Variants in MTF2 observed in about 807,000 individuals in gnomAD.
MTF2 encodes metal response element binding transcription factor 2.
A neutral mutation model predicts 79.5 loss-of-function variants in MTF2; 11 were observed. That is an observed-to-expected ratio of 0.14 (90% CI 0.09 to 0.23). The LOEUF (loss-of-function observed/expected upper bound fraction) is 0.23, where lower values mean the gene tolerates loss of function less well. Ranked by LOEUF, MTF2 falls within the 10% of genes least tolerant of loss-of-function variation. The pLI is 1.00. For missense variants in MTF2, 486 were observed against 711.2 expected, an observed-to-expected ratio of 0.68 and a Z score of 3.60; for synonymous variants, 208 against 232.8, an observed-to-expected ratio of 0.89 and a Z score of 0.97.
chr1:93,082,273 CTTT>C (rs11380988), intron 1 of MTF2, among the ~76,000 whole-genome samples: 2 of 139,242 alleles, frequency 1.4e-5, no homozygotes, highest in Non-Finnish European at 1.6e-5. Flanking sequence ...TGTAACCATT[CTTT>C]TTTTTTTTTT....
chr1:93,108,337 CGTA>C (rs2101053952), intron 1 of MTF2, among the ~76,000 whole-genome samples: 1 of 152,152 alleles, frequency 6.6e-6, no homozygotes, highest in East Asian at 1.9e-4. Flanking sequence ...TACTTTCAAT[CGTA>C]GTAGTATTCA....
At chr1:93,121,355 T>C in intron 9 of MTF2, 1 of 822,096 alleles carries the variant, frequency 1.2e-6, no homozygotes, top group Non-Finnish European at 1.5e-6. Context: ...ATTTTTAGCT[T>C]TTATTTAGAA....
chr1:93,123,761 T>TCCC (rs34840034), intron 9 of MTF2, among the ~76,000 whole-genome samples: 37 of 136,668 alleles, frequency 2.7e-4, no homozygotes, highest in African/African-American at 8.1e-4. Context: ...GTGTATTGTG[T>TCCC]CCCCCCCCCC....
intron 1 of MTF2, among the ~76,000 whole-genome samples, chr1:93,106,401 C>CAGAAAA (rs1655790085): frequency 4.6e-5 from 7 of 151,224 alleles, no homozygotes; most frequent in Admixed American, 4.0e-4. Flanking sequence ...GCAGACCTGC[C>CAGAAAA]ATGGCATTCT....
At chr1:93,081,019 A>C (rs1345846750) in intron 1 of MTF2, 1 of 152,146 alleles carries the variant, frequency 6.6e-6, no homozygotes, top group Non-Finnish European at 1.5e-5. Flanking sequence ...GTTCACCTGC[A>C]GTTTTTTAAA....
intron 1 of MTF2, among the ~76,000 whole-genome samples, chr1:93,084,521 CA>C (rs1165490915): frequency 6.6e-6 from 1 of 151,898 alleles, no homozygotes; most frequent in East Asian, 1.9e-4. Flanking sequence ...TGAGTCTGTG[CA>C]AAAAAACGCA....
At position 93,133,946 on chromosome 1, in the gene MTF2, G is replaced by A. The variant is rs1236208235; in HGVS notation, c.1285G>A (p.Glu429Lys). The change falls in exon 13 of 15, where the codon GAG (glutamate) becomes AAG (lysine). Residue 429 changes from glutamate to lysine, a missense_variant. Transcript: ENST00000370298. Reference sequence around the variant, plus strand: ...TTTCCAGGATAAGGAATCAATTTCAGAGAATCCTACTTTGGATTTACCTTG... The same window carrying A: ...TTTCCAGGATAAGGAATCAATTTCAAAGAATCCTACTTTGGATTTACCTTG... ...EPLLDKESISENPTLDLPCSI... is the reference protein window; with the variant it reads ...EPLLDKESISKNPTLDLPCSI... 2 of 1,578,442 alleles carry A rather than the reference G, an allele frequency of 1.3e-6. No homozygotes were observed. The highest frequency in any genetic ancestry group is 1.7e-6 in the Non-Finnish European group (2 of 1,151,424).
chr1:93,112,191 TC>T (rs1170204268), intron 3 of MTF2, among the ~76,000 whole-genome samples: 1 of 152,200 alleles, frequency 6.6e-6, no homozygotes, highest in Non-Finnish European at 1.5e-5. Flanking sequence ...ATTTAACTCT[TC>T]TTAGCACCCT....
Position 93,137,149 on chromosome 1 carries a change from AAAG to A in MTF2, c.*123_*125del, listed in dbSNP as rs1323087855. ...AAAAAAAAAGTCAAAAAAATTCAAA[AAAG>A]GGGATGATACTAGCCTTAACATGTA... On this transcript the variant is annotated 3_prime_UTR_variant, in exon 15 of 15. Transcript: ENST00000370298. 1.2e-5 allele frequency: 9 copies of A among 760,932 alleles called. No individual in the cohort carries two copies. The highest frequency in any genetic ancestry group is 1.9e-5 in the Non-Finnish European group (9 of 484,174). 47.1% of individuals were successfully genotyped at this position (760,932 alleles called of 1,614,324 possible).
chr1:93,112,061 T>C (rs1656049785), intron 3 of MTF2, among the ~76,000 whole-genome samples: 1 of 152,128 alleles, frequency 6.6e-6, no homozygotes, highest in African/African-American at 2.4e-5. Context: ...AGATAGAAAG[T>C]TGTTGTGTGA....
At chr1:93,100,591 G>A (rs974705963) in intron 1 of MTF2, among the ~76,000 whole-genome samples, 8 of 152,182 alleles carry the variant, frequency 5.3e-5, no homozygotes, top group Non-Finnish European at 8.8e-5. Context: ...ACAGCCGTGA[G>A]CCACCACCCC....
chr1:93,110,491 A>C, intron 2 of MTF2, 54 bp from the exon 3 acceptor site: 7 of 1,603,696 alleles, frequency 4.4e-6, no homozygotes, highest in Non-Finnish European at 6.0e-6. Context: ...CTTAAATTTA[A>C]CTTCATGTTT....
In MTF2 at chr1:93,129,449, G is replaced by A; in HGVS notation, c.1160+1G>A. On this transcript the variant is annotated splice_donor_variant, in intron 11 of 14. Coordinates refer to ENST00000370298, the MANE Select transcript of MTF2 (RefSeq NM_007358.4). LOFTEE classifies it high-confidence loss of function. ...CATCCAAACCTATATCTGATTCAAG[G>A]TAAAAGTTGATCTGTGGCTTAGTTT... 1 of 1,485,566 alleles carries A rather than the reference G, an allele frequency of 6.7e-7. No individual in the cohort carries two copies. Among genetic ancestry groups the A allele is most frequent in the Non-Finnish European group, 9.0e-7 (1 of 1,106,032 alleles). The allele number at this position is 1,485,566 out of a possible 1,614,324, so 92.0% of individuals were successfully genotyped here. A position where few individuals can be genotyped will look rare whatever the true frequency, so the allele number is the denominator to read the frequency against.
intron 5 of MTF2, 29 bp downstream of exon 5, chr1:93,115,117 T>C: frequency 6.8e-7 from 1 of 1,471,722 alleles, no homozygotes; most frequent in South Asian, 1.2e-5. Flanking sequence ...GGGCTAAAGC[T>C]CTGATGGAAT....
At chr1:93,087,573 A>G (rs1026850066) in intron 1 of MTF2, among the ~76,000 whole-genome samples, 3 of 150,116 alleles carry the variant, frequency 2.0e-5, no homozygotes, top group African/African-American at 7.3e-5. Flanking sequence ...CTCTGTCTCA[A>G]AAAAAAAAAA....
At position 93,095,760 on chromosome 1, in the gene MTF2, A is replaced by C. The variant is rs1042335485; in HGVS notation, c.6-14470A>C. Among the ~76,000 whole-genome samples, 42 of 149,890 alleles carry C rather than the reference A, an allele frequency of 2.8e-4. 1 individual carries two copies. The highest frequency in any genetic ancestry group is 3.5e-4 in the Non-Finnish European group (24 of 67,806). ...AACCTCCACCTCCCAAGTTTAAACG[A>C]TTCTTCTGCCTCAGCCTCCTGAATA... On this transcript the variant is annotated intron_variant, in intron 1 of 14. Coordinates refer to ENST00000370298, the MANE Select transcript of MTF2 (RefSeq NM_007358.4).
chr1:93,088,606 C>T (rs1420216263), intron 1 of MTF2, among the ~76,000 whole-genome samples: 2 of 152,118 alleles, frequency 1.3e-5, no homozygotes, highest in Non-Finnish European at 2.9e-5. Flanking sequence ...CACTTTCTTG[C>T]CCAGGCGGGA....
chr1:93,089,110 T>TA (rs1654969340), intron 1 of MTF2, among the ~76,000 whole-genome samples: 1 of 152,170 alleles, frequency 6.6e-6, no homozygotes, highest in Admixed American at 6.5e-5. Flanking sequence ...TCTAACCTGT[T>TA]AGGTGGTTAA....
chr1:93,118,973 CTTA>C (rs1410876967), intron 7 of MTF2, among the ~76,000 whole-genome samples: 1 of 152,174 alleles, frequency 6.6e-6, no homozygotes, highest in Non-Finnish European at 1.5e-5. Flanking sequence ...CTCTTTCGGG[CTTA>C]TTATGTTATT....
Sources: allele counts gnomAD v4.1 joint callset (sites outside exome capture counted in the v4.1 genomes callset), GRCh38; gene constraint gnomAD v4.1.1; transcripts MANE v1.5; gene names NCBI Gene and HGNC (gene_info 2026-07-23, HGNC 2026-07-21).